Variants in PLEKHA7 observed in about 807,000 individuals in gnomAD.
PLEKHA7 encodes the protein pleckstrin homology domain containing A7.
In PLEKHA7, 104 loss-of-function variants were observed where a neutral mutation model predicts 170.0. The ratio of observed to expected loss-of-function variants is 0.61; its 90% CI spans 0.52 to 0.72. The LOEUF (loss-of-function observed/expected upper bound fraction) is 0.72. Among genes scored for constraint, PLEKHA7 ranks in the 30% least tolerant of loss-of-function variants. The probability of loss-of-function intolerance (pLI) is 0.00; values close to 1 mark genes in which losing one functional copy is unlikely to be tolerated. For missense variants in PLEKHA7, 1,615 were observed against 1,671.7 expected (o/e 0.97, Z 0.59); for synonymous variants, 648 against 660.8 (o/e 0.98, Z 0.30).
chr11:16,790,935 T>A lies in PLEKHA7; in HGVS notation c.2935-20A>T. The A allele has an allele frequency of 1.2e-6, 2 of 1,613,752 alleles. No individual in the cohort carries two copies. The highest frequency in any genetic ancestry group is 1.7e-6 in the Non-Finnish European group (2 of 1,179,874). On this transcript the variant is annotated intron_variant, in intron 20 of 26. Transcript: ENST00000531066. ...CTCCACCTGTGGGCAGAGTCCCAGGTGATGTGACCTGCCAGTGTCACACCC... is the reference window on the plus strand; with the variant it reads ...CTCCACCTGTGGGCAGAGTCCCAGGAGATGTGACCTGCCAGTGTCACACCC...
chr11:16,822,831 T>G (rs573433076), intron 10 of PLEKHA7, among the ~76,000 whole-genome samples: 2 of 152,280 alleles, frequency 1.3e-5, no homozygotes, highest in East Asian at 1.9e-4. Flanking sequence ...ATGTCCAGGC[T>G]GCAACCCAGA....
chr11:17,014,246 G>A (rs764902386), intron 1 of PLEKHA7, 45 bp from the exon 2 acceptor site: 37 of 1,416,600 alleles, frequency 2.6e-5, no homozygotes, highest in Admixed American at 3.5e-5. Context: ...ACAGCCCGCC[G>A]GGTGCCCGCC....
intron 3 of PLEKHA7, among the ~76,000 whole-genome samples, chr11:16,970,158 T>C (rs1306578945): frequency 1.3e-5 from 2 of 152,182 alleles, no homozygotes; most frequent in Non-Finnish European, 2.9e-5. Context: ...CTCAGAACTT[T>C]GAATAATACA....
chr11:16,985,181 C>A (rs1863652003), intron 3 of PLEKHA7, among the ~76,000 whole-genome samples: 1 of 152,128 alleles, frequency 6.6e-6, no homozygotes, highest in Admixed American at 6.5e-5. Context: ...AGCACCTGGC[C>A]CAGGGTTGGC....
chr11:16,778,743 C>A lies in PLEKHA7; in HGVS notation c.*255G>T. The stretch of plus-strand genomic sequence containing the variant: ...GAACATTAGAAAATAGATTCCGATT[C>A]TAAAATACAGTGTATTTTACAGTGT... On this transcript the variant is annotated 3_prime_UTR_variant, in exon 27 of 27. Transcript: ENST00000531066. 1 of 555,524 alleles carries A rather than the reference C, an allele frequency of 1.8e-6. No homozygotes were observed. The highest frequency in any genetic ancestry group is 3.2e-6 in the Non-Finnish European group (1 of 309,510). The allele number at this position is 555,524 out of a possible 1,614,324, so 34.4% of individuals were successfully genotyped here.
At chr11:16,953,869 TAAGA>T (rs1392076054) in intron 3 of PLEKHA7, among the ~76,000 whole-genome samples, 1 of 152,186 alleles carries the variant, frequency 6.6e-6, no homozygotes, top group Non-Finnish European at 1.5e-5. Context: ...ACCTCTCCCT[TAAGA>T]AACTGGTAAG....
Position 16,791,726 on chromosome 11 carries a change from T to C in PLEKHA7, c.2746-527A>G, listed in dbSNP as rs1189731266. 1 of 455,478 alleles carries C rather than the reference T, an allele frequency of 2.2e-6. No homozygotes were observed. Among genetic ancestry groups the C allele is most frequent in the African/African-American group, 2.0e-5 (1 of 50,180 alleles). 28.2% of individuals were successfully genotyped at this position (455,478 alleles called of 1,614,324 possible). On this transcript the variant is annotated intron_variant, in intron 19 of 26. Coordinates refer to ENST00000531066, the MANE Select transcript of PLEKHA7 (RefSeq NM_001329630.2). This position sits in a 1 kb window ranked among gnomAD's most constrained non-coding sequence, Gnocchi z 4.5. ...ATCCTCCTGGCCTTTCTATCAGAAATGTGCATGGTTACAAAATATTTCCTC... is the reference window on the plus strand; with the variant it reads ...ATCCTCCTGGCCTTTCTATCAGAAACGTGCATGGTTACAAAATATTTCCTC...
In PLEKHA7 at chr11:16,982,786, C is replaced by CACAA. The variant is rs566695753; in HGVS notation, c.221+31202_221+31203insTTGT. Among the ~76,000 whole-genome samples the CACAA allele has an allele frequency of 3.7e-3, 545 of 145,536 alleles. 7 individuals carry two copies. Among genetic ancestry groups the CACAA allele is most frequent in the African/African-American group, 0.014 (526 of 38,742 alleles). On this transcript the variant is annotated intron_variant, in intron 3 of 26. Coordinates refer to ENST00000531066, the MANE Select transcript of PLEKHA7 (RefSeq NM_001329630.2). ...CACCTCCCTCACTATCCCCTACACA[C>CACAA]ACACACACACACACACACACGGAGA... is the stretch of plus-strand genomic sequence containing the variant.
At chr11:16,797,580 ACTCT>A (rs1171506311) in intron 17 of PLEKHA7, among the ~76,000 whole-genome samples, 2 of 151,962 alleles carry the variant, frequency 1.3e-5, no homozygotes, top group Non-Finnish European at 2.9e-5. Context: ...CACAGTTCTC[ACTCT>A]CTCTCTCAAC....
At chr11:16,877,808 C>G (rs1439061392) in intron 3 of PLEKHA7, among the ~76,000 whole-genome samples, 1 of 152,208 alleles carries the variant, frequency 6.6e-6, no homozygotes, top group Non-Finnish European at 1.5e-5. Context: ...GCCACCTCAC[C>G]TCTCTGAGGC....
chr11:16,826,284 C>T lies in PLEKHA7; in HGVS notation c.1179G>A (p.Lys393=), dbSNP rs773280872. Residue 393 remains lysine, a synonymous_variant, in exon 10 of 27, where the codon AAG becomes AAA. Coordinates refer to ENST00000531066, the MANE Select transcript of PLEKHA7 (RefSeq NM_001329630.2). ...CATATGAGGCAGGCAGCATTCCATTCTTCTCTGCCCGTTGGGGCTGTGCCT... is the reference window on the plus strand; with the variant it reads ...CATATGAGGCAGGCAGCATTCCATTTTTCTCTGCCCGTTGGGGCTGTGCCT... ...GQQAQPQRAE[K]NGMLPASYGP... The T allele has an allele frequency of 3.7e-6, 6 of 1,614,252 alleles. No individual in the cohort carries two copies. Among genetic ancestry groups the T allele is most frequent in the Non-Finnish European group, 5.1e-6 (6 of 1,180,046 alleles).
chr11:16,937,592 C>T (rs948763287), intron 3 of PLEKHA7, among the ~76,000 whole-genome samples: 3 of 151,870 alleles, frequency 2.0e-5, no homozygotes, highest in African/African-American at 7.3e-5. Context: ...TTAGCTATCC[C>T]TTAACTAGGA....
intron 3 of PLEKHA7, among the ~76,000 whole-genome samples, chr11:16,920,271 C>T (rs1858993667): frequency 6.6e-6 from 1 of 152,198 alleles, no homozygotes; most frequent in Non-Finnish European, 1.5e-5. Context: ...CCTACAGTGC[C>T]TAGCACAGTG....
chr11:16,795,851 CTTTT>C (rs1179377641), intron 17 of PLEKHA7, among the ~76,000 whole-genome samples: 1 of 93,080 alleles, frequency 1.1e-5, no homozygotes, highest in African/African-American at 3.9e-5. Context: ...CAGTTTTTTC[CTTTT>C]TTTTTTTTTT....
chr11:16,963,771 C>CAGT (rs1454144648), intron 3 of PLEKHA7, among the ~76,000 whole-genome samples: 1 of 152,218 alleles, frequency 6.6e-6, no homozygotes, highest in Non-Finnish European at 1.5e-5. Context: ...GGCATCTGAT[C>CAGT]AGTAGGTGCA....
intron 3 of PLEKHA7, among the ~76,000 whole-genome samples, chr11:17,002,746 G>A (rs1210499288): frequency 2.6e-5 from 4 of 152,160 alleles, no homozygotes; most frequent in East Asian, 1.9e-4. Context: ...CGATAACCAG[G>A]TGGCTGCACA....
intron 3 of PLEKHA7, among the ~76,000 whole-genome samples, chr11:17,013,672 C>T (rs1223815118): frequency 6.6e-6 from 1 of 152,240 alleles, no homozygotes; most frequent in Non-Finnish European, 1.5e-5. Context: ...GGGGCGCAGC[C>T]CCAGACCCTA....
intron 3 of PLEKHA7, among the ~76,000 whole-genome samples, chr11:16,890,034 T>A (rs536213664): frequency 4.1e-4 from 62 of 152,278 alleles, no homozygotes; most frequent in African/African-American, 1.3e-3. Flanking sequence ...AGCCAAGAAT[T>A]TTGTATCCTG....
At chr11:16,796,435 T>C (rs982808496) in intron 17 of PLEKHA7, among the ~76,000 whole-genome samples, 2 of 152,140 alleles carry the variant, frequency 1.3e-5, no homozygotes, top group African/African-American at 4.8e-5. Context: ...CATAATTCCA[T>C]TTATAAGAAA....
Sources: allele counts gnomAD v4.1 joint callset (sites outside exome capture counted in the v4.1 genomes callset), GRCh38; gene constraint gnomAD v4.1.1; non-coding constraint Gnocchi (gnomAD v3.1); transcripts MANE v1.5; gene names NCBI Gene and HGNC (gene_info 2026-07-23, HGNC 2026-07-21).